Variants in NBPF9 observed in about 807,000 individuals in gnomAD.
NBPF9 encodes the protein NBPF member 9, also known as NBPF family member NBPF9.
Under a neutral mutation model 97.8 loss-of-function variants are expected in NBPF9, and 91 were observed. The ratio of observed to expected loss-of-function variants is 0.93; its 90% CI spans 0.79 to 1.11. The LOEUF (loss-of-function observed/expected upper bound fraction) is 1.11. Among genes scored for constraint, NBPF9 ranks in the 50% least tolerant of loss-of-function variants. The probability of loss-of-function intolerance (pLI) is 0.00; values close to 1 mark genes in which losing one functional copy is unlikely to be tolerated. For synonymous variants in NBPF9, 334 were observed against 359.5 expected, an observed-to-expected ratio of 0.93 and a Z score of 0.80; for missense variants, 992 against 939.5, an observed-to-expected ratio of 1.06 and a Z score of -0.73.
At chr1:149,055,951 A>C in intron 29 of NBPF9, 52 bp from the exon 30 acceptor site, 1 of 1,611,946 alleles carries the variant, frequency 6.2e-7, no homozygotes, top group Non-Finnish European at 8.5e-7. Flanking sequence ...CAGACACCAC[A>C]GAGCCCCACT....
rs782559929 is a variant in NBPF9, at chr1:149,084,393, C to T, written c.-194-1963G>A. Among the ~76,000 whole-genome samples the T allele has an allele frequency of 8.5e-3, 1,250 of 146,266 alleles. 6 individuals are homozygous for T. The highest frequency in any genetic ancestry group is 0.013 in the Non-Finnish European group (898 of 67,000). On this transcript the variant is annotated intron_variant, in intron 5 of 29. Coordinates refer to ENST00000584027, the Ensembl canonical transcript of NBPF9. ...TGTGTATATATAATACGTGTATATA[C>T]ATAATATACAATATATATAACATGT... is the stretch of plus-strand genomic sequence containing the variant.
chr1:149,070,345 A>AT (rs2079302477), intron 16 of NBPF9, among the ~76,000 whole-genome samples: 3 of 124,708 alleles, frequency 2.4e-5, no homozygotes, highest in Admixed American at 1.6e-4. Flanking sequence ...AAAAAAAAAA[A>AT]TCCACGATGC....
rs1229541642 is a variant in NBPF9 at position 149,089,809 on chromosome 1, G to A, written c.-195+944C>T. Among the ~76,000 whole-genome samples, 32 of 152,414 alleles carry A rather than the reference G, an allele frequency of 2.1e-4. No individual in the cohort carries two copies. In the South Asian group the frequency reaches 6.2e-3, roughly 30 times the overall value. ...CTAATTTGACATAAAGTGCTACATG[G>A]CATTGGGGCTGGTACAGCCTCGCTC... On this transcript the variant is annotated intron_variant, in intron 5 of 29. Transcript: ENST00000584027.
At chr1:149,062,369 A>C (rs2078673226) in intron 21 of NBPF9, 104 bp from the exon 22 acceptor site, 1 of 651,664 alleles carries the variant, frequency 1.5e-6, no homozygotes, top group African/African-American at 2.0e-5. Flanking sequence ...AAAAAGAAAA[A>C]GGACAGATCC....
At chr1:149,080,595 TG>T (rs2080343429) in intron 7 of NBPF9, among the ~76,000 whole-genome samples, 1 of 151,250 alleles carries the variant, frequency 6.6e-6, no homozygotes. Flanking sequence ...AGGACAAATA[TG>T]TCAAGGACTT....
At chr1:149,101,334 G>A (rs1389829301) in exon 3 of NBPF9, 5 of 135,870 alleles carry the variant, frequency 3.7e-5, no homozygotes, top group African/African-American at 1.1e-4. Context: ...GTTGTGGTCA[G>A]CTGTGATTGT....
Position 149,079,632 on chromosome 1 carries a change from C to T in NBPF9, c.279-411G>A, listed in dbSNP as rs879224719. 9.1e-4 allele frequency among the ~76,000 whole-genome samples: 132 copies of T among 145,110 alleles called. 1 individual carries two copies. The Middle Eastern group carries it at 0.01, about 11-fold the overall frequency. ...GGGCAGATGGGGCGAATTGAAAAGACGAAAGAAGAAAAGAATGACAGGGTC... is the reference window on the plus strand; with the variant it reads ...GGGCAGATGGGGCGAATTGAAAAGATGAAAGAAGAAAAGAATGACAGGGTC... On this transcript the variant is annotated intron_variant, in intron 8 of 29. Transcript: ENST00000584027.
At chr1:149,063,920 A>G (rs1312243323) in intron 19 of NBPF9, 115 bp from the exon 20 acceptor site, 3 of 665,734 alleles carry the variant, frequency 4.5e-6, no homozygotes, top group African/African-American at 1.8e-5. Flanking sequence ...GGACAGATCC[A>G]TTAATGAGGT....
chr1:149,072,537 G>C (rs2079499108), intron 14 of NBPF9, among the ~76,000 whole-genome samples, 181 bp downstream of exon 14: 1 of 152,080 alleles, frequency 6.6e-6, no homozygotes, highest in African/African-American at 2.4e-5. Context: ...GCAATAATGT[G>C]ACCTCCAACC....
chr1:149,094,859 G>C (rs1413105490), intron 4 of NBPF9, among the ~76,000 whole-genome samples: 1 of 144,546 alleles, frequency 6.9e-6, no homozygotes, highest in Non-Finnish European at 1.5e-5. Context: ...GAAGCTACTG[G>C]GGACAGCAAG....
rs1314291557 is a variant in NBPF9 at position 149,062,021 on chromosome 1, C to T, written c.2251+72G>A. The T allele has an allele frequency of 1.8e-4, 125 of 705,240 alleles. 5 individuals are homozygous for T. Among genetic ancestry groups the T allele is most frequent in the Non-Finnish European group, 2.7e-4 (107 of 403,334 alleles). 43.7% of individuals were successfully genotyped at this position (705,240 alleles called of 1,614,324 possible). On this transcript the variant is annotated intron_variant, in intron 22 of 29. Coordinates refer to ENST00000584027, the Ensembl canonical transcript of NBPF9. The stretch of plus-strand genomic sequence containing the variant: ...ACATCTCTCAGGTCAGTAAGGGCCA[C>T]TTGGAACAGGAATATCACCTCTATC...
chr1:149,089,426 G>T (rs1423940305), intron 5 of NBPF9, among the ~76,000 whole-genome samples: 1 of 152,246 alleles, frequency 6.6e-6, no homozygotes, highest in Non-Finnish European at 1.5e-5. Context: ...GAAGAAATAC[G>T]GACCTCACCT....
chr1:149,079,531 G>A (rs1348713832), intron 8 of NBPF9, among the ~76,000 whole-genome samples: 1 of 149,526 alleles, frequency 6.7e-6, no homozygotes, highest in East Asian at 2.0e-4. Context: ...TCTGGCCATG[G>A]ACATTTCCAT....
intron 5 of NBPF9, among the ~76,000 whole-genome samples, chr1:149,087,724 A>C (rs1210720395): frequency 6.6e-6 from 1 of 151,132 alleles, no homozygotes; most frequent in Non-Finnish European, 1.5e-5. Context: ...CTTCTGATCC[A>C]TGACAAGGTT....
exon 16 of NBPF9, chr1:149,070,974 G>T: frequency 6.2e-7 from 1 of 1,612,592 alleles, no homozygotes; most frequent in East Asian, 2.2e-5. Context: ...CAACATGAGA[G>T]GATGAGCCAA....
At position 149,062,534 on chromosome 1, in the gene NBPF9, G is replaced by A. The variant is rs587726353; in HGVS notation, c.2079-269C>T. 1.3e-3 allele frequency among the ~76,000 whole-genome samples: 187 copies of A among 143,448 alleles called. No homozygotes were observed. The Middle Eastern group carries it at 0.014, about 11-fold the overall frequency. The allele number at this position is 143,448 out of a possible 152,430, so 94.1% of individuals were successfully genotyped here. ...TGACACACTGATGAAGGGGTCAAAG[G>A]ACACTCTGAGTTAGTGCCCTCGGGA... On this transcript the variant is annotated intron_variant, in intron 21 of 29. Transcript: ENST00000584027.
Position 149,060,922 on chromosome 1 carries a change from C to G in NBPF9, c.2304-227G>C. The G allele has an allele frequency of 5.0e-6, 2 of 397,930 alleles. 1 individual carries two copies. Among genetic ancestry groups the G allele is most frequent in the South Asian group, 5.9e-5 (2 of 34,034 alleles). 24.6% of individuals were successfully genotyped at this position (397,930 alleles called of 1,614,324 possible). A position where few individuals can be genotyped will look rare whatever the true frequency, so the allele number is the denominator to read the frequency against. ...ACACACACACACACACACACACACACACAAACACACACACACAGAGAACGA... is the reference window on the plus strand; with the variant it reads ...ACACACACACACACACACACACACAGACAAACACACACACACAGAGAACGA... On this transcript the variant is annotated intron_variant, in intron 23 of 29. Coordinates refer to ENST00000584027, the Ensembl canonical transcript of NBPF9.
Position 149,081,945 on chromosome 1 carries a change from G to T in NBPF9, c.175+20C>A. The stretch of plus-strand genomic sequence containing the variant: ...GGACATCATTCATCACTTTCATGAC[G>T]GTGAGCCTATAGATCTTACTGTATT... On this transcript the variant is annotated intron_variant, in intron 7 of 29. Coordinates refer to ENST00000584027, the Ensembl canonical transcript of NBPF9. 6.6e-7 allele frequency: 1 copy of T among 1,521,826 alleles called. No homozygotes were observed. The highest frequency in any genetic ancestry group is 9.0e-7 in the Non-Finnish European group (1 of 1,109,736). 94.3% of individuals were successfully genotyped at this position (1,521,826 alleles called of 1,614,324 possible).
chr1:149,088,479 T>C (rs1167066487), intron 5 of NBPF9, among the ~76,000 whole-genome samples: 1 of 152,220 alleles, frequency 6.6e-6, no homozygotes, highest in African/African-American at 2.4e-5. Context: ...TTTTCTCTGA[T>C]TTAATAGAAA....
Sources: gnomAD v4.1 joint callset for allele counts (sites outside exome capture counted in the v4.1 genomes callset) on GRCh38, gnomAD v4.1.1 for gene constraint, MANE v1.5 for transcripts, NCBI Gene and HGNC (gene_info 2026-07-23, HGNC 2026-07-21) for gene names.